The following HPSE2 variants were observed in gnomAD, a reference collection of about 807,000 sequenced individuals.
HPSE2 encodes inactive heparanase-2.
A neutral mutation model predicts 60.5 loss-of-function variants in HPSE2; 38 were observed. The ratio of observed to expected loss-of-function variants is 0.63; its 90% confidence interval spans 0.48 to 0.82. The LOEUF (loss-of-function observed/expected upper bound fraction) is 0.82. Among genes scored for constraint, HPSE2 ranks in the 40% least tolerant of loss-of-function variants. The probability of loss-of-function intolerance (pLI) is 0.00; values close to 1 mark genes in which losing one functional copy is unlikely to be tolerated. For synonymous variants in HPSE2, 295 were observed against 293.2 expected, an observed-to-expected ratio of 1.01 and a Z score of -0.06; for missense variants, 713 against 740.4, an observed-to-expected ratio of 0.96 and a Z score of 0.43.
chr10:98,512,933 T>G (rs1345984610), intron 9 of HPSE2, among the ~76,000 whole-genome samples: 1 of 152,136 alleles, frequency 6.6e-6, no homozygotes, highest in Non-Finnish European at 1.5e-5. Context: ...CTTGCCTGGG[T>G]GAAATCACAT....
At chr10:98,512,748 C>T (rs1431884255) in intron 9 of HPSE2, among the ~76,000 whole-genome samples, 3 of 150,746 alleles carry the variant, frequency 2.0e-5, no homozygotes, top group Non-Finnish European at 4.4e-5. Context: ...AAGGATAGGG[C>T]CTTTCTGTTT....
intron 3 of HPSE2, among the ~76,000 whole-genome samples, chr10:99,016,586 T>C (rs1275045979): frequency 1.3e-5 from 2 of 152,210 alleles, no homozygotes; most frequent in Non-Finnish European, 2.9e-5. Flanking sequence ...GGTAGTTTAA[T>C]AGGCATAACA....
At chr10:99,162,304 T>C (rs1400683721) in intron 2 of HPSE2, among the ~76,000 whole-genome samples, 3 of 152,210 alleles carry the variant, frequency 2.0e-5, no homozygotes, top group South Asian at 4.1e-4. Flanking sequence ...TCTTAAAACC[T>C]TGGGACTTCA....
At chr10:98,474,929 C>T in intron 11 of HPSE2, among the ~76,000 whole-genome samples, 1 of 151,834 alleles carries the variant, frequency 6.6e-6, no homozygotes, top group African/African-American at 2.4e-5. Flanking sequence ...TCTCAGAATC[C>T]CCTCCCCAAC....
intron 3 of HPSE2, among the ~76,000 whole-genome samples, chr10:98,986,546 A>T (rs1956357169): frequency 6.6e-6 from 1 of 151,728 alleles, no homozygotes; most frequent in South Asian, 2.1e-4. Context: ...AGCAGGAAAG[A>T]TCTAAAATTC....
At chr10:99,253,602 C>T in the HPSE2 span, among the ~76,000 whole-genome samples, 3 of 152,054 alleles carry the variant, frequency 2.0e-5, no homozygotes, top group African/African-American at 7.2e-5. Flanking sequence ...CAAAAATTGA[C>T]AAGTGGGATC....
chr10:98,571,642 C>T (rs1944496486), intron 9 of HPSE2, among the ~76,000 whole-genome samples: 1 of 104,892 alleles, frequency 9.5e-6, no homozygotes, highest in South Asian at 3.4e-4. Flanking sequence ...ACTCCAGATA[C>T]TGGACTCCAA....
intron 6 of HPSE2, among the ~76,000 whole-genome samples, chr10:98,651,041 T>C (rs1452491059): frequency 6.6e-6 from 1 of 152,218 alleles, no homozygotes; most frequent in African/African-American, 2.4e-5. Context: ...CTGTATATTT[T>C]AGTTCCTGTA....
intron 3 of HPSE2, among the ~76,000 whole-genome samples, chr10:98,755,122 A>T (rs1949849022): frequency 6.6e-6 from 1 of 152,134 alleles, no homozygotes. Flanking sequence ...TGCTGTATTC[A>T]GGAGACCCAT....
chr10:98,876,155 T>C (rs1276641982), intron 3 of HPSE2, among the ~76,000 whole-genome samples: 1 of 151,962 alleles, frequency 6.6e-6, no homozygotes, highest in East Asian at 1.9e-4. Flanking sequence ...GCTATTGTAC[T>C]TACTTTTAGG....
chr10:98,821,534 A>G (rs190736471), intron 3 of HPSE2, among the ~76,000 whole-genome samples: 2 of 152,314 alleles, frequency 1.3e-5, no homozygotes, highest in Admixed American at 6.5e-5. Flanking sequence ...ACTATAGTTG[A>G]AGAAGCTGCA....
intron 3 of HPSE2, among the ~76,000 whole-genome samples, chr10:98,778,291 A>AGAGAGAGAGAGAGAGAGAGG (rs1382694225): frequency 2.0e-5 from 3 of 151,266 alleles, no homozygotes; most frequent in Non-Finnish European, 4.4e-5. Flanking sequence ...AGAGAGAGAG[A>AGAGAGAGAGAGAGAGAGAGG]GAGAGAAAGC....
chr10:98,766,621 A>G (rs746268654), intron 3 of HPSE2, among the ~76,000 whole-genome samples: 26 of 152,214 alleles, frequency 1.7e-4, no homozygotes, highest in South Asian at 4.1e-4. Flanking sequence ...AGGCTGATTC[A>G]ACATTCAAAA....
chr10:98,494,936 C>T (rs1941780060), intron 9 of HPSE2, among the ~76,000 whole-genome samples: 1 of 152,102 alleles, frequency 6.6e-6, no homozygotes, highest in South Asian at 2.1e-4. Context: ...TACAATAATG[C>T]CAGCTTGTAT....
Position 99,094,035 on chromosome 10 carries a change from C to A in HPSE2, c.610+50203G>T, listed in dbSNP as rs1843612077. On this transcript the variant is annotated intron_variant, in intron 3 of 11. Coordinates refer to ENST00000370552, the MANE Select transcript of HPSE2 (RefSeq NM_021828.5). ...TCTTTATTGATAATTATCTGTGACT[C>A]CAAATTTTCCTAGGACCACTGTTTT... 2.0e-5 allele frequency among the ~76,000 whole-genome samples: 3 copies of A among 152,066 alleles called. No homozygotes were observed. In the South Asian group the frequency reaches 6.2e-4, roughly 32 times the overall value.
rs1848167540 is a variant in HPSE2, at chr10:99,190,076, C to G, written c.448+42272G>C. ...ACTGAGTCCTTTCTGTCACAAATCACTTTATGGGGCAACCATGTAGTGACT... is the reference window on the plus strand; with the variant it reads ...ACTGAGTCCTTTCTGTCACAAATCAGTTTATGGGGCAACCATGTAGTGACT... On this transcript the variant is annotated intron_variant, in intron 2 of 11. Transcript: ENST00000370552. 2.0e-5 allele frequency among the ~76,000 whole-genome samples: 3 copies of G among 152,188 alleles called. No homozygotes were observed. The South Asian group carries it at 6.2e-4, about 32-fold the overall frequency.
At chr10:99,173,343 T>A (rs1186349351) in intron 2 of HPSE2, among the ~76,000 whole-genome samples, 1 of 152,086 alleles carries the variant, frequency 6.6e-6, no homozygotes. Flanking sequence ...TAAGAAAGGT[T>A]AATATAGAAG....
chr10:98,769,941 A>C (rs1173422647), intron 3 of HPSE2, among the ~76,000 whole-genome samples: 3 of 152,220 alleles, frequency 2.0e-5, no homozygotes, highest in East Asian at 1.9e-4. Context: ...TTTCTTTTGG[A>C]TACAAAGATG....
At chr10:98,957,679 A>T (rs552907381) in intron 3 of HPSE2, among the ~76,000 whole-genome samples, 4 of 151,452 alleles carry the variant, frequency 2.6e-5, no homozygotes, top group Admixed American at 2.6e-4. Context: ...CTTGAGTCTC[A>T]CTCTCTCTCT....
Sources: gnomAD v4.1 joint callset for allele counts (sites outside exome capture counted in the v4.1 genomes callset) on GRCh38, gnomAD v4.1.1 for gene constraint, MANE v1.5 for transcripts, NCBI Gene and HGNC (gene_info 2026-07-23, HGNC 2026-07-21) for gene names.